Variants in NARS1 observed in about 807,000 individuals in gnomAD.
NARS1 encodes asparaginyl-tRNA synthetase 1, also known as asparagine--tRNA ligase, cytoplasmic.
Under a neutral mutation model 79.2 loss-of-function variants are expected in NARS1, and 65 were observed. The observed-to-expected ratio is 0.82, with a 90% CI of 0.67 to 1.01. The LOEUF is 1.01. NARS1 is among the 50% of genes least tolerant of loss of function. The probability of loss-of-function intolerance (pLI) is 0.00; values close to 1 mark genes in which losing one functional copy is unlikely to be tolerated. For missense variants in NARS1, 649 were observed against 673.8 expected (o/e 0.96, Z 0.41); for synonymous variants, 229 against 238.8 (o/e 0.96, Z 0.38).
intron 4 of NARS1, among the ~76,000 whole-genome samples, chr18:57,614,988 C>G (rs1214793027): frequency 1.3e-5 from 2 of 150,300 alleles, no homozygotes; most frequent in African/African-American, 4.9e-5. Flanking sequence ...CCAGCCCGGG[C>G]AATATGGGAG....
In NARS1 at chr18:57,602,448, T is replaced by C. The variant is rs760080247; in HGVS notation, c.1422A>G (p.Gly474=). ...VLMPNVGEIV[G]GSMRIFDSEE... ...CACTATCAAAGATACGCATTGAGCCTCCCACAATCTCACCAACATTGGGCA... is the reference window on the plus strand; with the variant it reads ...CACTATCAAAGATACGCATTGAGCCCCCCACAATCTCACCAACATTGGGCA... The change falls in exon 13 of 14, where the codon GGA becomes GGG. Residue 474 remains glycine (G), a synonymous_variant. Coordinates refer to ENST00000256854, the MANE Select transcript of NARS1 (RefSeq NM_004539.4). 6 of 1,613,784 alleles carry C rather than the reference T, an allele frequency of 3.7e-6. No individual in the cohort carries two copies. The highest frequency in any genetic ancestry group is 1.3e-5 in the African/African-American group (1 of 74,900).
At chr18:57,605,590 G>A (rs567960667) in intron 11 of NARS1, among the ~76,000 whole-genome samples, 1 of 134,260 alleles carries the variant, frequency 7.4e-6, no homozygotes, top group Non-Finnish European at 1.5e-5. Flanking sequence ...CTCCGTAGGC[G>A]ACAGAGCGAG....
rs1908260411 is a variant in NARS1, at chr18:57,620,634, C to G, written c.28G>C (p.Asp10His). 3.1e-6 allele frequency: 5 copies of G among 1,613,126 alleles called. No homozygotes were observed. Among genetic ancestry groups the G allele is most frequent in the Non-Finnish European group, 4.2e-6 (5 of 1,179,412 alleles). MVLAELYVS[D>H]REGSDATGDG... Reference sequence around the variant, plus strand: ...CCCGTGGCATCGCTTCCCTCTCGGTCAGAGACGTACAGCTCTGCTGTTTGA... The same window carrying G: ...CCCGTGGCATCGCTTCCCTCTCGGTGAGAGACGTACAGCTCTGCTGTTTGA... Residue 10 changes from aspartate to histidine, a missense_variant, in exon 2 of 14, where the codon GAC becomes CAC. Physicochemically the swap from Asp to His is moderately conservative, Grantham distance 81 (BLOSUM62 -1). Coordinates refer to ENST00000256854, the MANE Select transcript of NARS1 (RefSeq NM_004539.4).
At chr18:57,614,571 A>G (rs1423099183) in intron 4 of NARS1, among the ~76,000 whole-genome samples, 1 of 152,206 alleles carries the variant, frequency 6.6e-6, no homozygotes, top group Non-Finnish European at 1.5e-5. Flanking sequence ...ATAGTCCAGC[A>G]ATCTATTTGG....
intron 12 of NARS1, 133 bp from the exon 13 acceptor site, chr18:57,602,619 A>G: frequency 8.0e-7 from 1 of 1,246,606 alleles, no homozygotes; most frequent in Non-Finnish European, 1.1e-6. Context: ...TAATATTCAA[A>G]TGTTTACATT....
At chr18:57,608,052 G>C (rs113916258) in intron 7 of NARS1, among the ~76,000 whole-genome samples, 44 of 151,968 alleles carry the variant, frequency 2.9e-4, no homozygotes, top group African/African-American at 1.0e-3. Context: ...ATATTTAGTA[G>C]AGACGGGGTT....
At chr18:57,613,823 A>G (rs563751678) in intron 4 of NARS1, 143 bp from the exon 5 acceptor site, 4 of 639,974 alleles carry the variant, frequency 6.3e-6, no homozygotes, top group African/African-American at 5.5e-5. Context: ...TGCAGCTCAG[A>G]ACCAAACGCA....
At chr18:57,616,128 T>A in intron 2 of NARS1, 153 bp from the exon 3 acceptor site, 2 of 702,110 alleles carry the variant, frequency 2.8e-6, no homozygotes, top group Non-Finnish European at 4.5e-6. Flanking sequence ...GTTGAACATT[T>A]AAGAAGCACA....
In NARS1 at chr18:57,607,290, G is replaced by A; in HGVS notation, c.845C>T (p.Ala282Val). ...TLVQTQVEGGATLFKLDYFGE... is the reference protein window; with the variant it reads ...TLVQTQVEGGVTLFKLDYFGE... ...AAAATAGTCAAGCTTGAAGAGTGTGGCACCACCTTCTACTTGTGTTTGCAC... is the reference window on the plus strand; with the variant it reads ...AAAATAGTCAAGCTTGAAGAGTGTGACACCACCTTCTACTTGTGTTTGCAC... Residue 282 changes from alanine (A) to valine (V), a missense_variant, in exon 9 of 14, where the codon GCC (alanine) becomes GTC (valine). By Grantham distance (64) the Ala-to-Val change is moderately conservative. Coordinates refer to ENST00000256854, the MANE Select transcript of NARS1 (RefSeq NM_004539.4). The A allele has an allele frequency of 6.2e-7, 1 of 1,614,076 alleles. No homozygotes were observed. The highest frequency in any genetic ancestry group is 8.5e-7 in the Non-Finnish European group (1 of 1,180,024).
At chr18:57,618,167 A>G (rs1236823086) in intron 2 of NARS1, among the ~76,000 whole-genome samples, 1 of 151,400 alleles carries the variant, frequency 6.6e-6, no homozygotes, top group African/African-American at 2.4e-5. Context: ...GAGTGCCTAT[A>G]ATCCCAGCTA....
chr18:57,617,868 T>C (rs1409450981), intron 2 of NARS1, among the ~76,000 whole-genome samples: 3 of 149,244 alleles, frequency 2.0e-5, no homozygotes, highest in African/African-American at 7.4e-5. Flanking sequence ...TGAGCTGAGA[T>C]TGCACCACTG....
intron 12 of NARS1, 43 bp from the exon 13 acceptor site, chr18:57,602,529 G>A (rs759737696): frequency 1.1e-5 from 17 of 1,606,950 alleles, no homozygotes; most frequent in African/African-American, 1.3e-5. Flanking sequence ...ACTATCAAGC[G>A]ATCAGACACA....
intron 2 of NARS1, 81 bp downstream of exon 2, chr18:57,620,488 A>T: frequency 1.1e-6 from 1 of 920,680 alleles, no homozygotes; most frequent in Non-Finnish European, 1.7e-6. Flanking sequence ...GTTTGAAATT[A>T]AGTTCTTGGC....
intron 6 of NARS1, among the ~76,000 whole-genome samples, chr18:57,609,979 C>T (rs1378324837): frequency 6.6e-6 from 1 of 151,412 alleles, no homozygotes; most frequent in African/African-American, 2.4e-5. Flanking sequence ...CCTGGGAAGT[C>T]GAGGCTGCAA....
intron 2 of NARS1, among the ~76,000 whole-genome samples, chr18:57,618,205 C>T (rs1450560144): frequency 6.7e-6 from 1 of 148,868 alleles, no homozygotes; most frequent in African/African-American, 2.5e-5. Context: ...GGGAGAATTG[C>T]TTGAACCCAG....
At chr18:57,614,260 G>A (rs906329994) in intron 4 of NARS1, among the ~76,000 whole-genome samples, 1 of 152,176 alleles carries the variant, frequency 6.6e-6, no homozygotes, top group Non-Finnish European at 1.5e-5. Context: ...CAGCACTTTG[G>A]GAGGCTAAGG....
In NARS1 at chr18:57,621,787, T is replaced by A. The variant is rs925209446; in HGVS notation, c.-70A>T. 1.8e-5 allele frequency: 29 copies of A among 1,611,224 alleles called. No homozygotes were observed. In the African/African-American group the frequency reaches 2.7e-4, roughly 15 times the overall value. On this transcript the variant is annotated 5_prime_UTR_variant, in exon 1 of 14. Coordinates refer to ENST00000256854, the MANE Select transcript of NARS1 (RefSeq NM_004539.4). ...CCGACGCCGTCTTATGACTCCAACG[T>A]GCACCGGCGGTTTCCGCGATTCCGG... is the stretch of plus-strand genomic sequence containing the variant.
intron 13 of NARS1, 74 bp downstream of exon 13, chr18:57,602,281 C>T: frequency 2.1e-6 from 3 of 1,420,806 alleles, no homozygotes; most frequent in Admixed American, 2.1e-5. Flanking sequence ...GAATTCTCCC[C>T]TTTTAAAAAT....
rs1423498980 is a variant in NARS1, at chr18:57,601,733, T to A, written c.1566A>T (p.Arg522=). Residue 522 remains arginine (R), a synonymous_variant, in exon 14 of 14, where the codon CGA becomes CGT. Transcript: ENST00000256854. The part of the protein sequence containing the change: ...PHGGYGLGLE[R]FLTWILNRYH... ...ACCTATTCAGAATCCACGTTAAGAA[T>A]CGTTCCAAGCCCAAGCCATATCCTC... 2 of 1,613,680 alleles carry A rather than the reference T, an allele frequency of 1.2e-6. No individual in the cohort carries two copies. The highest frequency in any genetic ancestry group is 2.7e-5 in the African/African-American group (2 of 75,024).
Sources: gnomAD v4.1 joint callset for allele counts (sites outside exome capture counted in the v4.1 genomes callset) on GRCh38, gnomAD v4.1.1 for gene constraint, MANE v1.5 for transcripts, NCBI Gene and HGNC (gene_info 2026-07-23, HGNC 2026-07-21) for gene names.